The following FLT1 variants were observed in gnomAD, a reference collection of about 807,000 sequenced individuals.
FLT1 encodes the protein vascular endothelial growth factor receptor 1.
FLT1 carries 49 observed loss-of-function variants against 156.3 expected under a neutral mutation model. That is an observed-to-expected ratio of 0.31 (90% CI 0.25 to 0.40). The LOEUF (loss-of-function observed/expected upper bound fraction) is 0.40, where lower values mean the gene tolerates loss of function less well. FLT1 is among the 10% of genes least tolerant of loss of function. The probability of loss-of-function intolerance (pLI) is 1.00; values close to 1 mark genes in which losing one functional copy is unlikely to be tolerated. For missense variants in FLT1, 1,322 were observed against 1,637.2 expected, an observed-to-expected ratio of 0.81 and a Z score of 3.32; for synonymous variants, 594 against 583.8, an observed-to-expected ratio of 1.02 and a Z score of -0.25.
chr13:28,352,372 A>G (rs1480126255), intron 15 of FLT1, among the ~76,000 whole-genome samples: 7 of 152,180 alleles, frequency 4.6e-5, no homozygotes, highest in Non-Finnish European at 1.0e-4. Flanking sequence ...TATTAATTAC[A>G]TGGTCCCAGG....
intron 1 of FLT1, among the ~76,000 whole-genome samples, chr13:28,492,327 T>C (rs1566062954): frequency 6.6e-6 from 1 of 152,184 alleles, no homozygotes; most frequent in Non-Finnish European, 1.5e-5. Context: ...AAAAGGTCTG[T>C]AGCTTTCATC....
intron 3 of FLT1, among the ~76,000 whole-genome samples, chr13:28,458,027 T>C (rs954471596): frequency 2.1e-5 from 3 of 143,012 alleles, no homozygotes; most frequent in Non-Finnish European, 3.0e-5. Context: ...CTCCACCTCC[T>C]GGGTTCAAGC....
intron 12 of FLT1, chr13:28,396,702 A>G (rs181096835): frequency 1.4e-4 from 83 of 589,830 alleles, no homozygotes; most frequent in African/African-American, 1.4e-3. Flanking sequence ...ATGAGCATAC[A>G]AGATTCCCAA....
intron 3 of FLT1, among the ~76,000 whole-genome samples, chr13:28,446,280 C>T (rs575465761): frequency 6.6e-6 from 1 of 152,234 alleles, no homozygotes; most frequent in Admixed American, 6.5e-5. Context: ...CGCTTCTATT[C>T]AATAGTGTAC....
In FLT1 at chr13:28,302,513, T is replaced by A. The variant is rs187125803; in HGVS notation, c.*654A>T. ...CTCCCAGAATCCAGAAAATGTCCCC[T>A]CATCGCTGTCCATCTGCTCCTGGCT... On this transcript the variant is annotated 3_prime_UTR_variant, in exon 30 of 30. Transcript: ENST00000282397. 1,400 of 233,394 alleles carry A rather than the reference T, an allele frequency of 6.0e-3. 7 individuals carry two copies. The highest frequency in any genetic ancestry group is 0.014 in the Middle Eastern group (11 of 786). 14.5% of individuals were successfully genotyped at this position (233,394 alleles called of 1,614,324 possible). A position where few individuals can be genotyped will look rare whatever the true frequency, so the allele number is the denominator to read the frequency against.
At chr13:28,487,292 A>G (rs1379447895) in intron 1 of FLT1, among the ~76,000 whole-genome samples, 5 of 152,256 alleles carry the variant, frequency 3.3e-5, no homozygotes, top group African/African-American at 1.2e-4. Flanking sequence ...CACTTGGCAG[A>G]CTAATTCCTA....
At position 28,473,729 on chromosome 13, in the gene FLT1, AGAAGGAAGGAAGGAAGGAAGGAAG is replaced by A. The variant is rs1157781404; in HGVS notation, c.65-6136_65-6113del. Among the ~76,000 whole-genome samples the A allele has an allele frequency of 2.8e-3, 238 of 84,266 alleles. 7 individuals carry two copies. The highest frequency in any genetic ancestry group is 0.012 in the African/African-American group (226 of 18,550). 55.3% of individuals were successfully genotyped at this position (84,266 alleles called of 152,430 possible). A position where few individuals can be genotyped will look rare whatever the true frequency, so the allele number is the denominator to read the frequency against. On this transcript the variant is annotated intron_variant, in intron 1 of 29. Transcript: ENST00000282397. ...AAGAAAGAAAGAAAGAAAGAAAGAA[AGAAGGAAGGAAGGAAGGAAGGAAG>A]GAAGGAAGGAAGGAAGGAAGGAAGG... is the stretch of plus-strand genomic sequence containing the variant.
In FLT1 at chr13:28,389,258, G is replaced by A. The variant is rs878874303; in HGVS notation, c.1969+538C>T. Reference sequence around the variant, plus strand: ...CCCAAATAAAACCAGGCAGAAGTCCGACAGAGTCTCAAATTCAACTGTACT... The same window carrying A: ...CCCAAATAAAACCAGGCAGAAGTCCAACAGAGTCTCAAATTCAACTGTACT... On this transcript the variant is annotated intron_variant, in intron 13 of 29. Transcript: ENST00000282397. The A allele has an allele frequency of 7.9e-6, 9 of 1,144,406 alleles. No individual in the cohort carries two copies. In the East Asian group the frequency reaches 1.2e-4, roughly 16 times the overall value. 70.9% of individuals were successfully genotyped at this position (1,144,406 alleles called of 1,614,324 possible).
At chr13:28,318,872 G>A (rs1230012275) in intron 24 of FLT1, among the ~76,000 whole-genome samples, 1 of 152,154 alleles carries the variant, frequency 6.6e-6, no homozygotes, top group Non-Finnish European at 1.5e-5. Flanking sequence ...GGATGTTATT[G>A]CAAGCAGAAT....
At chr13:28,446,868 G>A (rs1878644520) in intron 3 of FLT1, among the ~76,000 whole-genome samples, 1 of 152,086 alleles carries the variant, frequency 6.6e-6, no homozygotes, top group Non-Finnish European at 1.5e-5. Context: ...AACAATCTTG[G>A]AAGACCGCAC....
chr13:28,375,781 C>T (rs1873814206), intron 14 of FLT1, among the ~76,000 whole-genome samples: 1 of 152,202 alleles, frequency 6.6e-6, no homozygotes, highest in South Asian at 2.1e-4. Flanking sequence ...AGTAGAGCAG[C>T]CAGCTCACCC....
chr13:28,375,900 A>C (rs969416224), intron 14 of FLT1, among the ~76,000 whole-genome samples: 1 of 151,528 alleles, frequency 6.6e-6, no homozygotes, highest in Non-Finnish European at 1.5e-5. Context: ...ATGAGAAGGA[A>C]AAGGCAACTA....
chr13:28,480,979 T>G (rs1019429852), intron 1 of FLT1, among the ~76,000 whole-genome samples: 1 of 152,216 alleles, frequency 6.6e-6, no homozygotes, highest in Non-Finnish European at 1.5e-5. Context: ...AACGTGTCCT[T>G]CCTTTTGGCA....
intron 1 of FLT1, among the ~76,000 whole-genome samples, chr13:28,481,396 A>C (rs191806558): frequency 1.3e-5 from 2 of 150,358 alleles, no homozygotes; most frequent in East Asian, 4.0e-4. Flanking sequence ...TATTGGGAGA[A>C]TTGTTGCCAG....
chr13:28,321,735 T>C (rs1871470297), intron 22 of FLT1, 150 bp from the exon 23 acceptor site: 4 of 769,740 alleles, frequency 5.2e-6, no homozygotes, highest in Non-Finnish European at 8.7e-6. Flanking sequence ...ACCATAAACA[T>C]GAAGAGCCTC....
chr13:28,432,179 CA>C (rs1280979979), intron 6 of FLT1, among the ~76,000 whole-genome samples: 1 of 152,026 alleles, frequency 6.6e-6, no homozygotes, highest in Non-Finnish European at 1.5e-5. Flanking sequence ...TCCCCATAGT[CA>C]TAGGGGGCGG....
intron 1 of FLT1, among the ~76,000 whole-genome samples, chr13:28,468,224 G>A (rs375425640): frequency 6.6e-6 from 1 of 152,036 alleles, no homozygotes; most frequent in African/African-American, 2.4e-5. Flanking sequence ...GAAGACATTT[G>A]GTTTGTCTTA....
chr13:28,429,706 T>C (rs1213097972), intron 8 of FLT1, among the ~76,000 whole-genome samples: 1 of 152,178 alleles, frequency 6.6e-6, no homozygotes, highest in Non-Finnish European at 1.5e-5. Flanking sequence ...TAATAGAGCA[T>C]GTTACATATT....
intron 20 of FLT1, among the ~76,000 whole-genome samples, chr13:28,326,922 T>G (rs1363131827): frequency 6.6e-6 from 1 of 152,186 alleles, no homozygotes; most frequent in Non-Finnish European, 1.5e-5. Flanking sequence ...TCAGAGTATA[T>G]GTAGGGATGA....
Sources: gnomAD v4.1 joint callset for allele counts (sites outside exome capture counted in the v4.1 genomes callset) on GRCh38, gnomAD v4.1.1 for gene constraint, MANE v1.5 for transcripts, NCBI Gene and HGNC (gene_info 2026-07-23, HGNC 2026-07-21) for gene names.